PTPN21: variants seen among roughly 807,000 people sequenced by gnomAD.
PTPN21 encodes the protein tyrosine-protein phosphatase non-receptor type 21.
In PTPN21, 77 loss-of-function variants were observed where a neutral mutation model predicts 131.8. The observed-to-expected ratio is 0.58, with a 90% confidence interval of 0.49 to 0.71. PTPN21 has a LOEUF of 0.71. PTPN21 is among the 30% of genes least tolerant of loss of function. The probability of loss-of-function intolerance (pLI) is 0.00; values close to 1 mark genes in which losing one functional copy is unlikely to be tolerated. For missense variants in PTPN21, 1,552 were observed against 1,527.1 expected, an observed-to-expected ratio of 1.02 and a Z score of -0.27; for synonymous variants, 715 against 621.3, an observed-to-expected ratio of 1.15 and a Z score of -2.24.
At chr14:88,477,824 G>A (rs987773848) in intron 13 of PTPN21, among the ~76,000 whole-genome samples, 4 of 152,144 alleles carry the variant, frequency 2.6e-5, no homozygotes, top group African/African-American at 4.8e-5. Flanking sequence ...AAATCACTTC[G>A]GTGGACACAC....
chr14:88,547,166 T>A (rs2078793971), intron 2 of PTPN21, among the ~76,000 whole-genome samples: 2 of 152,104 alleles, frequency 1.3e-5, no homozygotes, highest in African/African-American at 4.8e-5. Context: ...TCTCCCTGTA[T>A]TTACTGAACA....
rs145009207 is a variant in PTPN21, at chr14:88,469,013, G to A, written c.3299C>T (p.Pro1100Leu). The change falls in exon 18 of 19, where the codon CCC becomes CTC. Residue 1100 changes from proline (P) to leucine (L), a missense_variant. By Grantham distance (98) the Pro-to-Leu change is moderately conservative (BLOSUM62 -3). Around this residue, in one of 4 missense-constraint regions of PTPN21, gnomAD observed 316 missense variants for 378.5 expected, o/e 0.83. Coordinates refer to ENST00000556564, the MANE Select transcript of PTPN21 (RefSeq NM_007039.4). The surrounding 1 kb of genome is among the most constrained non-coding windows in gnomAD (Gnocchi z 4.3). ...HTNSTSDPQS[P>L]NPPLLVHCSA... ...GCAGTGGACCAACAACGGAGGGTTGGGGCTTTGGGGATCACTTGTGCTATT... is the reference window on the plus strand; with the variant it reads ...GCAGTGGACCAACAACGGAGGGTTGAGGCTTTGGGGATCACTTGTGCTATT... The A allele has an allele frequency of 9.9e-5, 160 of 1,614,064 alleles. No homozygotes were observed. Among genetic ancestry groups the A allele is most frequent in the Non-Finnish European group, 1.3e-4 (153 of 1,180,054 alleles).
chr14:88,508,029 A>C lies in PTPN21; in HGVS notation c.351-9T>G. On this transcript the variant is annotated splice_polypyrimidine_tract_variant and intron_variant, in intron 3 of 18. Transcript: ENST00000556564. Reference sequence around the variant, plus strand: ...GCAGATAATACTGATACCTATAAAAAATGTCAGTTGTATAAGGTCAATGTC... The same window carrying C: ...GCAGATAATACTGATACCTATAAAACATGTCAGTTGTATAAGGTCAATGTC... 4 of 1,489,270 alleles carry C rather than the reference A, an allele frequency of 2.7e-6. No homozygotes were observed. The highest frequency in any genetic ancestry group is 1.2e-5 in the South Asian group (1 of 84,830). 92.3% of individuals were successfully genotyped at this position (1,489,270 alleles called of 1,614,324 possible).
At chr14:88,473,931 T>C (rs1228338496) in intron 13 of PTPN21, 129 bp from the exon 14 acceptor site, 2 of 724,872 alleles carry the variant, frequency 2.8e-6, no homozygotes, top group East Asian at 5.7e-5. Flanking sequence ...CCCAGAAAGA[T>C]TACACTCCTT....
chr14:88,489,645 G>A (rs1032575149), intron 10 of PTPN21, among the ~76,000 whole-genome samples: 18 of 151,968 alleles, frequency 1.2e-4, no homozygotes, highest in Admixed American at 3.9e-4. Flanking sequence ...GCAAGACCCC[G>A]TCTCTTTAAA....
At chr14:88,516,284 A>G (rs1298668005) in intron 3 of PTPN21, among the ~76,000 whole-genome samples, 1 of 152,154 alleles carries the variant, frequency 6.6e-6, no homozygotes, top group Non-Finnish European at 1.5e-5. Context: ...CTCAGGAGGC[A>G]AACAGGATTC....
chr14:88,540,218 A>G (rs1047772103), intron 2 of PTPN21, among the ~76,000 whole-genome samples: 25 of 152,192 alleles, frequency 1.6e-4, no homozygotes. Context: ...AAAGAATACT[A>G]AAAAAGAGCT....
chr14:88,469,043 TG>T lies in PTPN21; in HGVS notation c.3268del (p.His1090IlefsTer23). 6.2e-7 allele frequency: 1 copy of T among 1,614,164 alleles called. No homozygotes were observed. Among genetic ancestry groups the T allele is most frequent in the Non-Finnish European group, 8.5e-7 (1 of 1,180,010 alleles). On this transcript the variant is annotated frameshift_variant, in exon 18 of 19. Coordinates refer to ENST00000556564, the MANE Select transcript of PTPN21 (RefSeq NM_007039.4). LOFTEE classifies it high-confidence loss of function. This position sits in a 1 kb window ranked among gnomAD's most constrained non-coding sequence, Gnocchi z 4.3. ...TTGGGGATCACTTGTGCTATTTGTATGGCGTCGAACAGACTGGATCTCTTCA... is the reference window on the plus strand; with the variant it reads ...TTGGGGATCACTTGTGCTATTTGTATGCGTCGAACAGACTGGATCTCTTCA... Reference protein sequence around the residue: ...YLEEIQSVRRHTNSTSDPQSP... With the variant: ...YLEEIQSVRRXTNSTSDPQSP...
At chr14:88,532,397 C>T (rs937424558) in intron 2 of PTPN21, among the ~76,000 whole-genome samples, 5 of 152,080 alleles carry the variant, frequency 3.3e-5, no homozygotes, top group Admixed American at 1.3e-4. Context: ...CAGAAATAGA[C>T]GAGCCTATGA....
At position 88,500,978 on chromosome 14, in the gene PTPN21, A is replaced by G. The variant is rs555325346; in HGVS notation, c.676-107T>C. ...CAGATGTAGAAAGTTCCGAAGACCT[A>G]CAGAGTAACTATTCAGGAAGACAAA... is the stretch of plus-strand genomic sequence containing the variant. On this transcript the variant is annotated intron_variant, in intron 7 of 18. Coordinates refer to ENST00000556564, the MANE Select transcript of PTPN21 (RefSeq NM_007039.4). 1.4e-3 allele frequency: 1,112 copies of G among 786,358 alleles called. 5 individuals are homozygous for G. The highest frequency in any genetic ancestry group is 1.7e-3 in the Non-Finnish European group (760 of 452,166). 48.7% of individuals were successfully genotyped at this position (786,358 alleles called of 1,614,324 possible). A position where few individuals can be genotyped will look rare whatever the true frequency, so the allele number is the denominator to read the frequency against.
intron 3 of PTPN21, among the ~76,000 whole-genome samples, chr14:88,510,109 T>C (rs1295939569): frequency 6.6e-6 from 1 of 152,220 alleles, no homozygotes; most frequent in Non-Finnish European, 1.5e-5. Flanking sequence ...AAAAATATTT[T>C]TGCCTTACAT....
rs897085596 is a variant in PTPN21, at chr14:88,467,118, C to T, written c.*1019G>A. ...AGATAATACTGCATTTTTGTAAAGACGAAGGCATCCTGCATTTACCATCAC... is the reference window on the plus strand; with the variant it reads ...AGATAATACTGCATTTTTGTAAAGATGAAGGCATCCTGCATTTACCATCAC... On this transcript the variant is annotated 3_prime_UTR_variant, in exon 19 of 19. Transcript: ENST00000556564. The T allele has an allele frequency of 1.3e-5, 2 of 152,126 alleles. No homozygotes were observed. Among genetic ancestry groups the T allele is most frequent in the African/African-American group, 2.4e-5 (1 of 41,388 alleles). The allele number at this position is 152,126 out of a possible 1,614,324, so 9.4% of individuals were successfully genotyped here. A position where few individuals can be genotyped will look rare whatever the true frequency, so the allele number is the denominator to read the frequency against.
chr14:88,526,655 AATTTT>A (rs2078482774), intron 2 of PTPN21, among the ~76,000 whole-genome samples: 2 of 151,682 alleles, frequency 1.3e-5, no homozygotes, highest in South Asian at 4.2e-4. Flanking sequence ...TAAAGTAAAT[AATTTT>A]ATTTTTATTA....
chr14:88,523,397 A>G (rs1283046598), intron 2 of PTPN21, among the ~76,000 whole-genome samples: 2 of 152,142 alleles, frequency 1.3e-5, no homozygotes, highest in African/African-American at 2.4e-5. Flanking sequence ...AACATCCTTA[A>G]TGATAAAAAA....
chr14:88,477,492 T>A (rs2140093641), intron 13 of PTPN21, among the ~76,000 whole-genome samples: 1 of 150,552 alleles, frequency 6.6e-6, no homozygotes, highest in African/African-American at 2.4e-5. Flanking sequence ...TCTGTGGTAC[T>A]TTTTTTGTTA....
At chr14:88,541,630 GT>G (rs1321861788) in intron 2 of PTPN21, among the ~76,000 whole-genome samples, 2 of 152,088 alleles carry the variant, frequency 1.3e-5, no homozygotes, top group Non-Finnish European at 2.9e-5. Flanking sequence ...CCTCCCCTCT[GT>G]CCCCCCTGAG....
intron 3 of PTPN21, among the ~76,000 whole-genome samples, chr14:88,514,759 T>C (rs987045505): frequency 8.5e-5 from 13 of 152,208 alleles, no homozygotes; most frequent in Middle Eastern, 3.4e-3. Context: ...CCACCACGCC[T>C]GGCCCTCCCC....
In PTPN21 at chr14:88,549,158, GC is replaced by G. The variant is rs377407874; in HGVS notation, c.180+1079del. On this transcript the variant is annotated intron_variant, in intron 2 of 18. Coordinates refer to ENST00000556564, the MANE Select transcript of PTPN21 (RefSeq NM_007039.4). Reference sequence around the variant, plus strand: ...GAATGTTGAAAGAACGAAGTCAAGAGCCGGACATGGTGGCACATGCCTATCG... The same window carrying G: ...GAATGTTGAAAGAACGAAGTCAAGAGCGGACATGGTGGCACATGCCTATCG... 1.1e-3 allele frequency among the ~76,000 whole-genome samples: 174 copies of G among 152,326 alleles called. 4 individuals carry two copies. The highest frequency in any genetic ancestry group is 4.0e-3 in the African/African-American group (165 of 41,582).
intron 13 of PTPN21, 158 bp from the exon 14 acceptor site, chr14:88,473,960 C>A (rs2077509333): frequency 1.7e-6 from 1 of 584,628 alleles, no homozygotes. Flanking sequence ...ACTTGTTTAA[C>A]AAACATTAGT....
Sources: allele counts gnomAD v4.1 joint callset (sites outside exome capture counted in the v4.1 genomes callset), GRCh38; gene constraint gnomAD v4.1.1; regional missense constraint gnomAD v4.1.1; non-coding constraint Gnocchi (gnomAD v3.1); transcripts MANE v1.5; gene names NCBI Gene and HGNC (gene_info 2026-07-23, HGNC 2026-07-21).